ARVCF: variants seen among roughly 807,000 people sequenced by gnomAD.
ARVCF encodes ARVCF delta catenin family member.
A neutral mutation model predicts 90.9 loss-of-function variants in ARVCF; 66 were observed. The ratio of observed to expected loss-of-function variants is 0.73; its 90% CI spans 0.60 to 0.89. The LOEUF is 0.89. Among genes scored for constraint, ARVCF ranks in the 40% least tolerant of loss-of-function variants. The pLI is 0.00. For missense variants in ARVCF, 1,469 were observed against 1,382.3 expected, an observed-to-expected ratio of 1.06 and a Z score of -1.00; for synonymous variants, 653 against 603.4, an observed-to-expected ratio of 1.08 and a Z score of -1.21.
At position 19,972,956 on chromosome 22, in the gene ARVCF, T is replaced by C. The variant is rs1942910237; in HGVS notation, c.2519A>G (p.Gln840Arg). The change falls in exon 15 of 20, where the codon CAG (glutamine) becomes CGG (arginine). Residue 840 changes from glutamine (Q) to arginine (R), a missense_variant. Physicochemically the swap from Gln to Arg is conservative, Grantham distance 43. Transcript: ENST00000263207. ...WSYKELRGTLQKDGWTKARFQ... is the reference protein window; with the variant it reads ...WSYKELRGTLRKDGWTKARFQ... ...GCGCGCCTTGGTCCAACCATCTTTCTGCAAGGTACCACGCAGCTCCTTGTA... is the reference window on the plus strand; with the variant it reads ...GCGCGCCTTGGTCCAACCATCTTTCCGCAAGGTACCACGCAGCTCCTTGTA... The C allele has an allele frequency of 2.5e-6, 4 of 1,613,710 alleles. No homozygotes were observed. The Admixed American group carries it at 5.0e-5, about 20-fold the overall frequency.
chr22:20,007,677 G>C (rs1286099154), intron 2 of ARVCF, among the ~76,000 whole-genome samples: 1 of 152,218 alleles, frequency 6.6e-6, no homozygotes, highest in Non-Finnish European at 1.5e-5. Flanking sequence ...ACTGATAAAA[G>C]GATGGGTTCC....
At chr22:20,005,561 T>G (rs966227129) in intron 2 of ARVCF, among the ~76,000 whole-genome samples, 1 of 152,192 alleles carries the variant, frequency 6.6e-6, no homozygotes, top group Non-Finnish European at 1.5e-5. Flanking sequence ...GGCTCACGCC[T>G]GTAATCCCAA....
rs151063323 is a variant in ARVCF at position 19,971,272 on chromosome 22, C to T, written c.2845G>A (p.Ala949Thr). 2.8e-5 allele frequency: 43 copies of T among 1,556,652 alleles called. 1 individual carries two copies. Among genetic ancestry groups the T allele is most frequent in the South Asian group, 2.1e-4 (18 of 84,596 alleles). Reference protein sequence around the residue: ...PSRPAVRLVDAVGDAKPQPVD... With the variant: ...PSRPAVRLVDTVGDAKPQPVD... ...GGCTGAGGCTTAGCGTCCCCTACGG[C>T]GTCCACCAGCCTGACCGCGGGCCTG... The change falls in exon 19 of 20, where the codon GCC becomes ACC. Residue 949 changes from alanine (A) to threonine (T), a missense_variant. Transcript: ENST00000263207.
At chr22:19,975,095 G>A (rs1229396685) in intron 11 of ARVCF, among the ~76,000 whole-genome samples, 1 of 152,170 alleles carries the variant, frequency 6.6e-6, no homozygotes, top group African/African-American at 2.4e-5. Context: ...CTCCCCGCTG[G>A]GGTATCTGCA....
chr22:20,002,723 C>T (rs796352835), intron 2 of ARVCF, among the ~76,000 whole-genome samples: 6 of 152,296 alleles, frequency 3.9e-5, no homozygotes, highest in African/African-American at 1.4e-4. Context: ...TTGGGGGCTG[C>T]CACCACCACA....
intron 2 of ARVCF, among the ~76,000 whole-genome samples, chr22:20,000,405 T>G (rs1387928863): frequency 6.6e-6 from 1 of 152,238 alleles, no homozygotes; most frequent in African/African-American, 2.4e-5. Context: ...GTGCACAAAG[T>G]CCTGCCTTTC....
chr22:19,995,824 G>C (rs955589961), intron 2 of ARVCF, among the ~76,000 whole-genome samples: 32 of 151,988 alleles, frequency 2.1e-4, no homozygotes, highest in Admixed American at 3.9e-4. Flanking sequence ...GATGACCATC[G>C]AGCCTCCTCC....
downstream of ARVCF, chr22:19,969,843 A>G (rs1942644949): frequency 1.0e-6 from 1 of 985,244 alleles, no homozygotes; most frequent in South Asian, 4.7e-5. Context: ...GAGGCCCGAC[A>G]CAAGGGAGAA....
chr22:19,987,020 C>A, intron 3 of ARVCF: 1 of 648,832 alleles, frequency 1.5e-6, no homozygotes, highest in South Asian at 1.6e-5. Flanking sequence ...CGACGCCCCG[C>A]CCTCTGCCTC....
At chr22:19,969,573 C>T (rs942756513), downstream of ARVCF, 3 of 152,836 alleles carry the variant, frequency 2.0e-5, no homozygotes, top group African/African-American at 4.8e-5. Context: ...GCTCCAAGGG[C>T]CCAGTTCCCA....
chr22:19,989,125 G>A (rs1252403873), intron 3 of ARVCF, among the ~76,000 whole-genome samples: 1 of 152,108 alleles, frequency 6.6e-6, no homozygotes, highest in Non-Finnish European at 1.5e-5. Context: ...GCCCAGCTGG[G>A]CCCAGCGTTC....
chr22:20,015,068 T>C (rs1364982826), intron 1 of ARVCF, among the ~76,000 whole-genome samples: 1 of 152,074 alleles, frequency 6.6e-6, no homozygotes, highest in Non-Finnish European at 1.5e-5. Context: ...TTTAGCAGGA[T>C]TGAGGGTCAG....
At chr22:19,986,238 G>C (rs918781211) in intron 3 of ARVCF, among the ~76,000 whole-genome samples, 1 of 152,202 alleles carries the variant, frequency 6.6e-6, no homozygotes, top group African/African-American at 2.4e-5. Context: ...CACCTCTGAG[G>C]GCCAGACCCT....
intron 2 of ARVCF, among the ~76,000 whole-genome samples, chr22:19,994,474 G>C (rs1424025866): frequency 5.0e-5 from 6 of 119,814 alleles, no homozygotes; most frequent in Admixed American, 2.5e-4. Flanking sequence ...ATGGGTGGGT[G>C]GGGGGATGGT....
Position 19,977,344 on chromosome 22 carries a change from G to C in ARVCF, c.1870+71C>G. 2.1e-6 allele frequency: 3 copies of C among 1,459,258 alleles called. No individual in the cohort carries two copies. In the East Asian group the frequency reaches 7.4e-5, roughly 36 times the overall value. The allele number at this position is 1,459,258 out of a possible 1,614,324, so 90.4% of individuals were successfully genotyped here. A position where few individuals can be genotyped will look rare whatever the true frequency, so the allele number is the denominator to read the frequency against. Reference sequence around the variant, plus strand: ...TAGCCTCCATGATGGGCTGCTGTGGGTGTACAGAGAGCCTTCCGCTGGGGC... The same window carrying C: ...TAGCCTCCATGATGGGCTGCTGTGGCTGTACAGAGAGCCTTCCGCTGGGGC... On this transcript the variant is annotated intron_variant, in intron 9 of 19. Coordinates refer to ENST00000263207, the MANE Select transcript of ARVCF (RefSeq NM_001670.3).
chr22:19,978,862 T>C, intron 7 of ARVCF, 35 bp downstream of exon 7: 2 of 1,585,854 alleles, frequency 1.3e-6, no homozygotes, highest in Non-Finnish European at 1.7e-6. Context: ...GGGCCTGGTG[T>C]GCATGTGGGC....
Position 19,973,182 on chromosome 22 carries a change from T to C in ARVCF, c.2375A>G (p.Asp792Gly), listed in dbSNP as rs778943702. The change falls in exon 14 of 20, where the codon GAT becomes GGT. Residue 792 changes from aspartate to glycine, a missense_variant. By Grantham distance (94) the Asp-to-Gly change is moderately conservative. Transcript: ENST00000263207. ...TGCCTGCAGGAGCGAGCGCGCGTTA[T>C]CCAGGCTGTCGGACACGATTTCGTG... is the stretch of plus-strand genomic sequence containing the variant. ...TIHEIVSDSL[D>G]NARSLLQARG... 26 of 1,610,850 alleles carry C rather than the reference T, an allele frequency of 1.6e-5. No individual in the cohort carries two copies. The highest frequency in any genetic ancestry group is 2.2e-5 in the Non-Finnish European group (26 of 1,179,286).
intron 16 of ARVCF, 128 bp downstream of exon 16, chr22:19,972,609 C>A (rs1420649722): frequency 1.7e-6 from 2 of 1,181,878 alleles, no homozygotes; most frequent in Admixed American, 2.5e-5. Context: ...AGGCAGAGGG[C>A]AGGGAAAGTG....
chr22:19,965,774 T>C (rs1423365098), downstream of ARVCF: 2 of 118,558 alleles, frequency 1.7e-5, no homozygotes, highest in Non-Finnish European at 3.3e-5. Context: ...CACTGAACCC[T>C]GGCCGTGGAG....
Sources: allele counts gnomAD v4.1 joint callset (sites outside exome capture counted in the v4.1 genomes callset), GRCh38; gene constraint gnomAD v4.1.1; transcripts MANE v1.5; gene names NCBI Gene and HGNC (gene_info 2026-07-23, HGNC 2026-07-21).